The following SMIM23 variants were observed in gnomAD, a reference collection of about 807,000 sequenced individuals.
SMIM23 encodes the protein CTB-78H18.1.
Under a neutral mutation model 12.8 loss-of-function variants are expected in SMIM23, and 10 were observed. The observed-to-expected ratio is 0.78, with a 90% confidence interval of 0.48 to 1.32. The LOEUF is 1.32. Ranked by LOEUF, SMIM23 falls within the 40% of genes most tolerant of loss-of-function variation. The probability of loss-of-function intolerance (pLI) is 0.00; values close to 1 mark genes in which losing one functional copy is unlikely to be tolerated. For synonymous variants in SMIM23, 78 were observed against 80.1 expected (o/e 0.97, Z 0.14); for missense variants, 184 against 198.2 (o/e 0.93, Z 0.43).
At chr5:171,789,573 T>C (rs1205194974) in intron 1 of SMIM23, among the ~76,000 whole-genome samples, 2 of 152,336 alleles carry the variant, frequency 1.3e-5, no homozygotes, top group Non-Finnish European at 2.9e-5. Flanking sequence ...TATGTTCATA[T>C]AAAATAAATA....
chr5:171,790,382 C>A, intron 2 of SMIM23, 100 bp from the exon 3 acceptor site: 1 of 1,498,210 alleles, frequency 6.7e-7, no homozygotes, highest in Non-Finnish European at 9.0e-7. Context: ...CCATAACCCA[C>A]CTTCTCCCAC....
intron 1 of SMIM23, among the ~76,000 whole-genome samples, chr5:171,789,236 G>A (rs192962640): frequency 1.3e-5 from 2 of 152,344 alleles, no homozygotes; most frequent in Admixed American, 6.5e-5. Context: ...GCTAGCTAAT[G>A]CATCATGAAC....
At chr5:171,772,793 T>G in the SMIM23 span, among the ~76,000 whole-genome samples, 1 of 152,126 alleles carries the variant, frequency 6.6e-6, no homozygotes, top group Non-Finnish European at 1.5e-5. Context: ...CTCCATACAT[T>G]TGAGACAGTT....
upstream of SMIM23, among the ~76,000 whole-genome samples, chr5:171,779,629 T>C (rs1316455981): frequency 1.3e-5 from 2 of 152,220 alleles, no homozygotes; most frequent in Non-Finnish European, 2.9e-5. Context: ...TGTACAGGCT[T>C]GCCAATTATG....
the SMIM23 span, among the ~76,000 whole-genome samples, chr5:171,776,461 C>T: frequency 6.6e-6 from 1 of 152,172 alleles, no homozygotes; most frequent in Non-Finnish European, 1.5e-5. Flanking sequence ...AGAAGCCATT[C>T]TGTCTGCCAA....
Position 171,790,779 on chromosome 5 carries a change from T to C in SMIM23, c.226-16T>C. On this transcript the variant is annotated splice_polypyrimidine_tract_variant and intron_variant, in intron 3 of 3. Transcript: ENST00000523047. ...CTGAGAAAGCACAGGATGCCACTTCTGTGTCTGCCTTCCAGGGGCTTGAAT... is the reference window on the plus strand; with the variant it reads ...CTGAGAAAGCACAGGATGCCACTTCCGTGTCTGCCTTCCAGGGGCTTGAAT... 6.5e-7 allele frequency: 1 copy of C among 1,536,088 alleles called. No homozygotes were observed. Among genetic ancestry groups the C allele is most frequent in the Non-Finnish European group, 8.7e-7 (1 of 1,146,874 alleles).
At chr5:171,789,609 T>G (rs10463008) in intron 1 of SMIM23, among the ~76,000 whole-genome samples, 54,570 of 152,054 alleles carry the variant, frequency 0.36, 10,455 homozygotes, top group East Asian at 0.5. Context: ...CACAATATAC[T>G]CATCAATAAA....
At chr5:171,781,192 A>T (rs1442115043), upstream of SMIM23, among the ~76,000 whole-genome samples, 1 of 152,158 alleles carries the variant, frequency 6.6e-6, no homozygotes, top group Non-Finnish European at 1.5e-5. Flanking sequence ...TTTAATGAAA[A>T]GCAGCCCCCA....
At chr5:171,785,179 A>AC (rs1755791670), upstream of SMIM23, among the ~76,000 whole-genome samples, 2 of 150,214 alleles carry the variant, frequency 1.3e-5, no homozygotes, top group South Asian at 2.1e-4. Context: ...CACACACACA[A>AC]ATGAGAACAA....
upstream of SMIM23, among the ~76,000 whole-genome samples, chr5:171,783,504 TC>T (rs1471700243): frequency 6.6e-6 from 1 of 152,178 alleles, no homozygotes; most frequent in Non-Finnish European, 1.5e-5. Context: ...CAACTGGACA[TC>T]CATAAGCAAA....
At chr5:171,783,667 C>T (rs1181331249), upstream of SMIM23, among the ~76,000 whole-genome samples, 1 of 152,092 alleles carries the variant, frequency 6.6e-6, no homozygotes, top group East Asian at 1.9e-4. Context: ...TTAGACTTGC[C>T]ATGAAAGAGC....
At chr5:171,785,290 TG>T (rs1755793483), upstream of SMIM23, among the ~76,000 whole-genome samples, 1 of 152,200 alleles carries the variant, frequency 6.6e-6, no homozygotes, top group African/African-American at 2.4e-5. Context: ...ACTGTACCAC[TG>T]GGGGAAAAAT....
upstream of SMIM23, among the ~76,000 whole-genome samples, chr5:171,785,488 A>G (rs747262293): frequency 4.6e-5 from 7 of 152,046 alleles, no homozygotes; most frequent in Admixed American, 2.6e-4. Flanking sequence ...GACTCAAGCA[A>G]TCCTCCAGCC....
chr5:171,777,490 T>A (rs55812392), upstream of SMIM23, among the ~76,000 whole-genome samples: 1 of 152,210 alleles, frequency 6.6e-6, no homozygotes, highest in Non-Finnish European at 1.5e-5. Context: ...GGCAAGCCTA[T>A]GCCAAGGCTG....
At position 171,785,917 on chromosome 5, in the gene SMIM23, C is replaced by T. The variant is rs1299353286; in HGVS notation, c.46C>T (p.Gln16Ter). 1.3e-6 allele frequency: 2 copies of T among 1,536,242 alleles called. No homozygotes were observed. The highest frequency in any genetic ancestry group is 4.9e-5 in the East Asian group (2 of 40,914). The change falls in exon 1 of 4, where the codon CAG (glutamine) becomes TAG (stop). Residue 16 changes from glutamine (Q) to a stop codon, truncating the protein, a stop_gained. Coordinates refer to ENST00000523047, the MANE Select transcript of SMIM23 (RefSeq NM_001289970.2). LOFTEE classifies it high-confidence loss of function. The stretch of plus-strand genomic sequence containing the variant: ...CAGCAGAAGGCAGGTGGCAGCAGAG[C>T]AGGTGGCAGCCCAGCTGCTTGAACG... ...VDSRRQVAAE[Q>*]VAAQLLERRR...
Position 171,791,027 on chromosome 5 carries a change from G to C in SMIM23, c.458G>C (p.Gly153Ala). Residue 153 changes from glycine to alanine, a missense_variant, in exon 4 of 4, where the codon GGG (glycine) becomes GCG (alanine). Gly to Ala is a moderately conservative substitution (Grantham distance 60). Coordinates refer to ENST00000523047, the MANE Select transcript of SMIM23 (RefSeq NM_001289970.2). The stretch of plus-strand genomic sequence containing the variant: ...TTGTGGGAGTGGGCCTGGGCCCTGG[G>C]GAGAGAGCACAAAGGTGGGGAGGGG... The part of the protein sequence containing the change: ...SHLWEWAWAL[G>A]REHKGGEGLL... 1 of 1,533,850 alleles carries C rather than the reference G, an allele frequency of 6.5e-7. No individual in the cohort carries two copies. The highest frequency in any genetic ancestry group is 8.7e-7 in the Non-Finnish European group (1 of 1,146,300).
At chr5:171,778,492 C>G (rs920775321), upstream of SMIM23, among the ~76,000 whole-genome samples, 308 of 106,454 alleles carry the variant, frequency 2.9e-3, 4 homozygotes, top group South Asian at 0.042. Context: ...CACACACACA[C>G]AGATAGAGAC....
chr5:171,790,232 G>T lies in SMIM23; in HGVS notation c.108G>T (p.Thr36=). 6.5e-7 allele frequency: 1 copy of T among 1,536,126 alleles called. No individual in the cohort carries two copies. The highest frequency in any genetic ancestry group is 8.7e-7 in the Non-Finnish European group (1 of 1,146,898). The change falls in exon 2 of 4, where the codon ACG becomes ACT. Residue 36 remains threonine (T), a splice_region_variant and synonymous_variant. Transcript: ENST00000523047. ...CTCTTCCTCTTCTTGCACCCTAGAC[G>T]CTGTTGGCATTGCTGATCTTGGTGC... ...RGSHCDDEKQ[T]LLALLILVLY...
At chr5:171,777,339 C>A in the SMIM23 span, among the ~76,000 whole-genome samples, 2 of 152,182 alleles carry the variant, frequency 1.3e-5, no homozygotes, top group African/African-American at 2.4e-5. Flanking sequence ...AGCGGGTATG[C>A]AATGAGCCAT....
Sources: gnomAD v4.1 joint callset for allele counts (sites outside exome capture counted in the v4.1 genomes callset) on GRCh38, gnomAD v4.1.1 for gene constraint, MANE v1.5 for transcripts, NCBI Gene and HGNC (gene_info 2026-07-23, HGNC 2026-07-21) for gene names.